TNFRSF8: variants seen among roughly 807,000 people sequenced by gnomAD.
TNFRSF8 encodes TNF receptor superfamily member 8, also known as tumor necrosis factor receptor superfamily member 8.
In TNFRSF8, 26 loss-of-function variants were observed where a neutral mutation model predicts 70.8. The ratio of observed to expected loss-of-function variants is 0.37; its 90% CI spans 0.27 to 0.51. The LOEUF (loss-of-function observed/expected upper bound fraction) is 0.51. TNFRSF8 is among the 20% of genes least tolerant of loss of function. The probability of loss-of-function intolerance (pLI) is 0.94; values close to 1 mark genes in which losing one functional copy is unlikely to be tolerated. For missense variants in TNFRSF8, 720 were observed against 807.9 expected, an observed-to-expected ratio of 0.89 and a Z score of 1.32; for synonymous variants, 356 against 339.2, an observed-to-expected ratio of 1.05 and a Z score of -0.54.
At chr1:12,085,880 C>T (rs1008679116) in intron 2 of TNFRSF8, among the ~76,000 whole-genome samples, 1 of 152,222 alleles carries the variant, frequency 6.6e-6, no homozygotes, top group Non-Finnish European at 1.5e-5. Context: ...CAGGACATAA[C>T]GATGCCCTCG....
At chr1:12,116,284 G>A (rs569452765) in intron 8 of TNFRSF8, among the ~76,000 whole-genome samples, 1 of 152,148 alleles carries the variant, frequency 6.6e-6, no homozygotes, top group South Asian at 2.1e-4. Context: ...CCCAGCCCCG[G>A]GCTGGTAAAA....
rs1641651692 is a variant in TNFRSF8 at position 12,112,529 on chromosome 1, A to G, written c.793+515A>G. On this transcript the variant is annotated intron_variant, in intron 7 of 14. Coordinates refer to ENST00000263932, the MANE Select transcript of TNFRSF8 (RefSeq NM_001243.5). The surrounding 1 kb of genome is among the most constrained non-coding windows in gnomAD (Gnocchi z 5.3). ...CTCAGCCTTTCAAGTGGCTGGGACTATAGGTGCACACTACCATGCCTGGCT... is the reference window on the plus strand; with the variant it reads ...CTCAGCCTTTCAAGTGGCTGGGACTGTAGGTGCACACTACCATGCCTGGCT... Among the ~76,000 whole-genome samples, 3 of 152,060 alleles carry G rather than the reference A, an allele frequency of 2.0e-5. No individual in the cohort carries two copies. In the South Asian group the frequency reaches 6.2e-4, roughly 32 times the overall value.
intron 1 of TNFRSF8, among the ~76,000 whole-genome samples, chr1:12,078,139 C>T (rs1321244967): frequency 7.2e-5 from 11 of 151,952 alleles, no homozygotes; most frequent in South Asian, 2.1e-4. Context: ...AGGAGACCCT[C>T]GGGTGGTCAC....
At chr1:12,079,378 C>A (rs190926419) in intron 1 of TNFRSF8, among the ~76,000 whole-genome samples, 1 of 152,204 alleles carries the variant, frequency 6.6e-6, no homozygotes, top group Non-Finnish European at 1.5e-5. Flanking sequence ...AAAGCCCCCC[C>A]TCCAGTCCTT....
At chr1:12,085,195 C>A (rs532730378) in intron 2 of TNFRSF8, among the ~76,000 whole-genome samples, 1 of 152,276 alleles carries the variant, frequency 6.6e-6, no homozygotes, top group South Asian at 2.1e-4. Context: ...ACTGCAACCT[C>A]CACCTCCCGG....
At chr1:12,078,680 C>T (rs1191530894) in intron 1 of TNFRSF8, among the ~76,000 whole-genome samples, 2 of 152,218 alleles carry the variant, frequency 1.3e-5, no homozygotes, top group Non-Finnish European at 2.9e-5. Flanking sequence ...GATCAGAGCA[C>T]GTGCCAAATC....
chr1:12,117,330 G>C (rs933021729), intron 8 of TNFRSF8, among the ~76,000 whole-genome samples: 1 of 152,084 alleles, frequency 6.6e-6, no homozygotes, highest in South Asian at 2.1e-4. Context: ...TGATCTGCCC[G>C]CCTCCACCTC....
Position 12,125,935 on chromosome 1 carries a change from C to A in TNFRSF8, c.1154-16C>A. 1 of 1,606,802 alleles carries A rather than the reference C, an allele frequency of 6.2e-7. No individual in the cohort carries two copies. The highest frequency in any genetic ancestry group is 8.5e-7 in the Non-Finnish European group (1 of 1,173,498). On this transcript the variant is annotated splice_polypyrimidine_tract_variant and intron_variant, in intron 10 of 14. Transcript: ENST00000263932. ...TTGCAGCAAGGCAAAGAGTGTGGGG[C>A]GTCTCTGTGTTCCAGGGCCAGTGCT...
intron 8 of TNFRSF8, 80 bp downstream of exon 8, chr1:12,115,809 A>C: frequency 6.6e-7 from 1 of 1,507,962 alleles, no homozygotes; most frequent in Non-Finnish European, 9.0e-7. Flanking sequence ...ACCAACAGCC[A>C]GGGGTGGAGG....
intron 1 of TNFRSF8, among the ~76,000 whole-genome samples, chr1:12,067,396 A>T (rs190755185): frequency 1.3e-5 from 2 of 152,308 alleles, no homozygotes; most frequent in East Asian, 3.9e-4. Context: ...TCATGAAAGT[A>T]TCTTAGCTGG....
At chr1:12,085,753 T>C (rs948189516) in intron 2 of TNFRSF8, among the ~76,000 whole-genome samples, 4 of 152,200 alleles carry the variant, frequency 2.6e-5, no homozygotes, top group Non-Finnish European at 4.4e-5. Context: ...TTCCATTTTG[T>C]AGATGATGCT....
chr1:12,094,372 T>C (rs923439901), intron 2 of TNFRSF8, among the ~76,000 whole-genome samples: 1 of 152,062 alleles, frequency 6.6e-6, no homozygotes, highest in African/African-American at 2.4e-5. Flanking sequence ...GCAAAGGCCC[T>C]GGGGTGGCAG....
chr1:12,125,570 T>G (rs1641922437), intron 10 of TNFRSF8, among the ~76,000 whole-genome samples: 1 of 152,188 alleles, frequency 6.6e-6, no homozygotes, highest in African/African-American at 2.4e-5. Flanking sequence ...AACCTCTTCC[T>G]TCCCCTCACT....
chr1:12,099,004 C>A (rs957036523), intron 3 of TNFRSF8, among the ~76,000 whole-genome samples: 3 of 152,186 alleles, frequency 2.0e-5, no homozygotes, highest in African/African-American at 7.2e-5. Context: ...TTTGGCACAG[C>A]TTCTCTGTTC....
At position 12,114,252 on chromosome 1, in the gene TNFRSF8, C is replaced by A. The variant is rs567871236; in HGVS notation, c.794-1325C>A. 4.6e-5 allele frequency among the ~76,000 whole-genome samples: 7 copies of A among 152,278 alleles called. No homozygotes were observed. In the East Asian group the frequency reaches 1.3e-3, roughly 29 times the overall value. ...GCATAGTATTATCTATCTCAGAGAA[C>A]CATGTGAGAATTGAATACATGATTG... On this transcript the variant is annotated intron_variant, in intron 7 of 14. Transcript: ENST00000263932.
chr1:12,132,158 C>T (rs1460344922), intron 12 of TNFRSF8, among the ~76,000 whole-genome samples: 1 of 152,176 alleles, frequency 6.6e-6, no homozygotes, highest in Non-Finnish European at 1.5e-5. Flanking sequence ...TCCCACATGC[C>T]CCACACCCAG....
rs1641562134 is a variant in TNFRSF8 at position 12,108,228 on chromosome 1, G to A, written c.422-1338G>A. On this transcript the variant is annotated intron_variant, in intron 4 of 14. Coordinates refer to ENST00000263932, the MANE Select transcript of TNFRSF8 (RefSeq NM_001243.5). The surrounding 1 kb of genome is among the most constrained non-coding windows in gnomAD (Gnocchi z 4.0). ...TGAGTAGCTGGGATTACAGGTACCTGCCACCATGCCCGGCTAATTTTTTGT... is the reference window on the plus strand; with the variant it reads ...TGAGTAGCTGGGATTACAGGTACCTACCACCATGCCCGGCTAATTTTTTGT... 6.6e-6 allele frequency among the ~76,000 whole-genome samples: 1 copy of A among 151,810 alleles called. No homozygotes were observed. Among genetic ancestry groups the A allele is most frequent in the Non-Finnish European group, 1.5e-5 (1 of 67,966 alleles).
Position 12,063,785 on chromosome 1 carries a change from C to A in TNFRSF8, c.63+124C>A. 1 of 942,394 alleles carries A rather than the reference C, an allele frequency of 1.1e-6. No homozygotes were observed. Among genetic ancestry groups the A allele is most frequent in the Non-Finnish European group, 1.4e-6 (1 of 720,448 alleles). The allele number at this position is 942,394 out of a possible 1,614,324, so 58.4% of individuals were successfully genotyped here. ...CCTGCCCAGCTGGAGTGAGGGGGCGCGGGTGACAAGCAGGAACACCGGAAT... is the reference window on the plus strand; with the variant it reads ...CCTGCCCAGCTGGAGTGAGGGGGCGAGGGTGACAAGCAGGAACACCGGAAT... On this transcript the variant is annotated intron_variant, in intron 1 of 14. Transcript: ENST00000263932. This position sits in a 1 kb window ranked among gnomAD's most constrained non-coding sequence, Gnocchi z 7.2.
rs564960457 is a variant in TNFRSF8 at position 12,078,658 on chromosome 1, C to T, written c.64-5806C>T. ...TACAGCACCCCCCCACCCCAGGCAGCAGAAGCTGGCGGATCAGAGCACGTG... is the reference window on the plus strand; with the variant it reads ...TACAGCACCCCCCCACCCCAGGCAGTAGAAGCTGGCGGATCAGAGCACGTG... On this transcript the variant is annotated intron_variant, in intron 1 of 14. Coordinates refer to ENST00000263932, the MANE Select transcript of TNFRSF8 (RefSeq NM_001243.5). 5.3e-5 allele frequency among the ~76,000 whole-genome samples: 8 copies of T among 152,296 alleles called. No homozygotes were observed. In the East Asian group the frequency reaches 1.5e-3, roughly 29 times the overall value.
Sources: allele counts gnomAD v4.1 joint callset (sites outside exome capture counted in the v4.1 genomes callset), GRCh38; gene constraint gnomAD v4.1.1; non-coding constraint Gnocchi (gnomAD v3.1); transcripts MANE v1.5; gene names NCBI Gene and HGNC (gene_info 2026-07-23, HGNC 2026-07-21).